Variants in CLSTN2 observed in about 807,000 individuals in gnomAD.
The protein encoded by CLSTN2 is calsyntenin-2.
A neutral mutation model predicts 101.2 loss-of-function variants in CLSTN2; 48 were observed. The observed-to-expected ratio is 0.47, with a 90% confidence interval of 0.38 to 0.60. The LOEUF (loss-of-function observed/expected upper bound fraction) is 0.60, where lower values mean the gene tolerates loss of function less well. CLSTN2 is among the 20% of genes least tolerant of loss of function. CLSTN2 has a pLI of 0.00. For synonymous variants in CLSTN2, 481 were observed against 463.6 expected (o/e 1.04, Z -0.48); for missense variants, 1,160 against 1,238.2 (o/e 0.94, Z 0.95).
chr3:140,306,192 C>T (rs1272706002), intron 2 of CLSTN2, among the ~76,000 whole-genome samples: 2 of 152,212 alleles, frequency 1.3e-5, no homozygotes. Flanking sequence ...CCTTTATTCC[C>T]ACAGGCCTTC....
intron 2 of CLSTN2, among the ~76,000 whole-genome samples, chr3:140,237,179 T>G (rs181172745): frequency 6.6e-6 from 1 of 152,176 alleles, no homozygotes; most frequent in Non-Finnish European, 1.5e-5. Flanking sequence ...TGGAATCAGT[T>G]TGAGCTTTTC....
intron 1 of CLSTN2, among the ~76,000 whole-genome samples, chr3:139,951,233 A>T (rs983926514): frequency 1.3e-5 from 2 of 152,208 alleles, no homozygotes; most frequent in Non-Finnish European, 2.9e-5. Context: ...AGAGGTACCC[A>T]AGAAGTATCT....
intron 1 of CLSTN2, among the ~76,000 whole-genome samples, chr3:139,961,991 C>T (rs988135569): frequency 5.3e-5 from 8 of 151,930 alleles, no homozygotes; most frequent in Non-Finnish European, 1.0e-4. Context: ...CTTTTAATGG[C>T]TACATAATAT....
At chr3:140,003,172 A>G (rs527597254) in intron 1 of CLSTN2, among the ~76,000 whole-genome samples, 2 of 152,308 alleles carry the variant, frequency 1.3e-5, no homozygotes, top group African/African-American at 4.8e-5. Flanking sequence ...CATTTTAACA[A>G]TATTGATTCT....
rs1159358748 is a variant in CLSTN2, at chr3:140,188,613, G to T, written c.232+12540G>T. On this transcript the variant is annotated intron_variant, in intron 2 of 16. Transcript: ENST00000458420. The stretch of plus-strand genomic sequence containing the variant: ...GCTAGGGTAAGTCTGGACTAGAGGG[G>T]ACTGTGGTGATTCAAAGAGGAGACA... Among the ~76,000 whole-genome samples the T allele has an allele frequency of 1.3e-5, 2 of 152,184 alleles. 1 individual carries two copies. The highest frequency in any genetic ancestry group is 2.9e-5 in the Non-Finnish European group (2 of 68,034).
intron 2 of CLSTN2, among the ~76,000 whole-genome samples, chr3:140,179,056 A>C (rs1273967127): frequency 6.6e-6 from 1 of 152,200 alleles, no homozygotes; most frequent in Non-Finnish European, 1.5e-5. Context: ...TTAGAATCAT[A>C]CATGATCTCA....
intron 2 of CLSTN2, among the ~76,000 whole-genome samples, chr3:140,178,955 T>G (rs1447970584): frequency 6.6e-6 from 1 of 152,162 alleles, no homozygotes; most frequent in African/African-American, 2.4e-5. Flanking sequence ...TCCATACCAT[T>G]TGTGCTCTTA....
At chr3:140,390,230 A>G (rs923406502) in intron 2 of CLSTN2, among the ~76,000 whole-genome samples, 10 of 151,992 alleles carry the variant, frequency 6.6e-5, no homozygotes, top group African/African-American at 2.4e-4. Context: ...TTCTTTTATA[A>G]TACATGCTTT....
At chr3:140,033,650 C>G (rs927540375) in intron 1 of CLSTN2, among the ~76,000 whole-genome samples, 1 of 152,132 alleles carries the variant, frequency 6.6e-6, no homozygotes, top group African/African-American at 2.4e-5. Flanking sequence ...ATTCAATAGA[C>G]TGAAAAAAGA....
intron 1 of CLSTN2, among the ~76,000 whole-genome samples, chr3:140,115,337 C>A (rs1312416260): frequency 6.6e-6 from 1 of 152,118 alleles, no homozygotes; most frequent in Non-Finnish European, 1.5e-5. Flanking sequence ...TGTGTGTTTA[C>A]AGTGTTCAAA....
chr3:139,967,850 G>A (rs1171923638), intron 1 of CLSTN2, among the ~76,000 whole-genome samples: 1 of 152,074 alleles, frequency 6.6e-6, no homozygotes, highest in Non-Finnish European at 1.5e-5. Flanking sequence ...AACATGATGT[G>A]CAGGCAGAAA....
At chr3:140,093,094 G>A (rs2008808764) in intron 1 of CLSTN2, among the ~76,000 whole-genome samples, 1 of 152,182 alleles carries the variant, frequency 6.6e-6, no homozygotes. Context: ...GACAGAGAGA[G>A]AGAAGGTGGG....
intron 1 of CLSTN2, among the ~76,000 whole-genome samples, chr3:140,124,080 G>A (rs551432910): frequency 1.1e-4 from 17 of 152,214 alleles, no homozygotes; most frequent in African/African-American, 4.1e-4. Context: ...GTGGTGATAA[G>A]TGCTAAAAGT....
At chr3:140,499,365 A>G (rs349507) in intron 8 of CLSTN2, among the ~76,000 whole-genome samples, 79,492 of 152,082 alleles carry the variant, frequency 0.52, 22,387 homozygotes, top group African/African-American at 0.73. Flanking sequence ...TCAGCAGCAA[A>G]GCAGACTTGA....
chr3:140,476,789 G>C (rs1576589308), intron 8 of CLSTN2, among the ~76,000 whole-genome samples: 2 of 151,870 alleles, frequency 1.3e-5, no homozygotes, highest in East Asian at 3.9e-4. Flanking sequence ...CTCCCGAGTA[G>C]CTGGGACTAC....
chr3:140,110,201 C>G (rs935569207), intron 1 of CLSTN2, among the ~76,000 whole-genome samples: 1 of 152,168 alleles, frequency 6.6e-6, no homozygotes, highest in East Asian at 1.9e-4. Flanking sequence ...TTAGATGACT[C>G]AGGGCTTCCA....
intron 2 of CLSTN2, among the ~76,000 whole-genome samples, chr3:140,359,729 T>C (rs1479989324): frequency 2.6e-5 from 4 of 152,142 alleles, no homozygotes; most frequent in Non-Finnish European, 5.9e-5. Flanking sequence ...TAAAGGAAGA[T>C]AATAATATCT....
intron 1 of CLSTN2, among the ~76,000 whole-genome samples, chr3:139,947,258 A>C (rs1015989368): frequency 2.6e-5 from 4 of 152,216 alleles, no homozygotes; most frequent in Non-Finnish European, 5.9e-5. Context: ...GCAGTTAGAA[A>C]ATAACCTACT....
At chr3:140,544,860 C>CTCTGAGATTTGCCTAATCTAAGCTAT (rs1487695297) in intron 9 of CLSTN2, among the ~76,000 whole-genome samples, 3 of 151,988 alleles carry the variant, frequency 2.0e-5, no homozygotes, top group African/African-American at 4.8e-5. Flanking sequence ...CCTTGAAGAA[C>CTCTGAGATTTGCCTAATCTAAGCTAT]TCTGAGATTT....
Sources: allele counts gnomAD v4.1 joint callset (sites outside exome capture counted in the v4.1 genomes callset), GRCh38; gene constraint gnomAD v4.1.1; transcripts MANE v1.5; gene names NCBI Gene and HGNC (gene_info 2026-07-23, HGNC 2026-07-21).